The following CDH18 variants were observed in gnomAD, a reference collection of about 807,000 sequenced individuals.
CDH18 encodes cadherin-18.
Under a neutral mutation model 67.9 loss-of-function variants are expected in CDH18, and 31 were observed. The observed-to-expected ratio is 0.46, with a 90% confidence interval of 0.34 to 0.62. The LOEUF (loss-of-function observed/expected upper bound fraction) is 0.62. Among genes scored for constraint, CDH18 ranks in the 20% least tolerant of loss-of-function variants. The pLI, the probability that CDH18 is intolerant of heterozygous loss-of-function variation, is 0.01. For synonymous variants in CDH18, 362 were observed against 347.2 expected (o/e 1.04, Z -0.48); for missense variants, 890 against 975.5 (o/e 0.91, Z 1.17).
intron 7 of CDH18, among the ~76,000 whole-genome samples, chr5:19,579,897 C>T (rs1742948593): frequency 2.0e-5 from 3 of 150,258 alleles, no homozygotes; most frequent in Admixed American, 6.6e-5. Context: ...TCCTTCAATC[C>T]ACCCCCCCCA....
At chr5:20,046,301 G>T (rs1477851558) in intron 2 of CDH18, among the ~76,000 whole-genome samples, 1 of 151,920 alleles carries the variant, frequency 6.6e-6, no homozygotes, top group Non-Finnish European at 1.5e-5. Context: ...GAATGAAGTT[G>T]CCATCTCTTT....
intron 3 of CDH18, among the ~76,000 whole-genome samples, chr5:19,834,352 C>T (rs953636061): frequency 6.6e-6 from 1 of 151,902 alleles, no homozygotes; most frequent in African/African-American, 2.4e-5. Context: ...GTTTGTATTT[C>T]TGTGGGGACA....
At chr5:19,845,760 A>G (rs547860935) in intron 2 of CDH18, among the ~76,000 whole-genome samples, 4 of 151,666 alleles carry the variant, frequency 2.6e-5, no homozygotes, top group East Asian at 3.9e-4. Flanking sequence ...TAATGCCCTT[A>G]TTTGTCTCTT....
intron 7 of CDH18, among the ~76,000 whole-genome samples, chr5:19,577,981 G>A (rs543174939): frequency 6.6e-5 from 10 of 152,190 alleles, no homozygotes; most frequent in Non-Finnish European, 8.8e-5. Flanking sequence ...AGAGAGAGGA[G>A]TGATGTAGCC....
At chr5:19,624,934 T>C (rs1751288039) in intron 5 of CDH18, among the ~76,000 whole-genome samples, 1 of 152,096 alleles carries the variant, frequency 6.6e-6, no homozygotes, top group South Asian at 2.1e-4. Flanking sequence ...CAGTTATTCA[T>C]TCCTTCAATT....
chr5:20,224,555 A>G (rs1197123722), intron 2 of CDH18, among the ~76,000 whole-genome samples: 1 of 147,750 alleles, frequency 6.8e-6, no homozygotes, highest in African/African-American at 2.5e-5. Flanking sequence ...TATTTTATTT[A>G]TTACCAAATA....
chr5:20,572,851 C>A (rs1758888772), intron 1 of CDH18, among the ~76,000 whole-genome samples: 1 of 152,106 alleles, frequency 6.6e-6, no homozygotes, highest in Admixed American at 6.6e-5. Flanking sequence ...TCAACTAGAG[C>A]TCTCTCAACA....
At chr5:19,526,206 G>C (rs1033940862) in intron 9 of CDH18, among the ~76,000 whole-genome samples, 1 of 152,100 alleles carries the variant, frequency 6.6e-6, no homozygotes. Context: ...GGAAAAAGCA[G>C]AATGTACATC....
intron 2 of CDH18, among the ~76,000 whole-genome samples, chr5:19,953,973 A>T (rs557080385): frequency 6.6e-6 from 1 of 152,112 alleles, no homozygotes; most frequent in Non-Finnish European, 1.5e-5. Context: ...GACTTTCAAA[A>T]TGAAAAACTA....
intron 4 of CDH18, among the ~76,000 whole-genome samples, chr5:19,728,459 A>G (rs1306002633): frequency 1.3e-5 from 2 of 152,186 alleles, no homozygotes; most frequent in Non-Finnish European, 2.9e-5. Flanking sequence ...AATGCCTTCA[A>G]GATATCTTTT....
intron 2 of CDH18, among the ~76,000 whole-genome samples, chr5:19,868,101 A>T (rs13182760): frequency 0.49 from 74,211 of 151,994 alleles, 18,300 homozygotes; most frequent in Middle Eastern, 0.63. Flanking sequence ...TTTATACATT[A>T]CCCAGTCTCA....
intron 2 of CDH18, among the ~76,000 whole-genome samples, chr5:19,979,151 T>C (rs537546252): frequency 2.0e-5 from 3 of 152,168 alleles, no homozygotes; most frequent in Non-Finnish European, 2.9e-5. Context: ...AAGCTGATTA[T>C]AGTCTCTTAA....
At chr5:19,918,160 C>A (rs1288382631) in intron 2 of CDH18, among the ~76,000 whole-genome samples, 1 of 152,164 alleles carries the variant, frequency 6.6e-6, no homozygotes, top group Admixed American at 6.5e-5. Context: ...TCGTGTGCCA[C>A]AAATATACTC....
intron 5 of CDH18, among the ~76,000 whole-genome samples, chr5:19,641,561 A>G (rs1311516331): frequency 6.6e-6 from 1 of 152,070 alleles, no homozygotes; most frequent in Non-Finnish European, 1.5e-5. Flanking sequence ...CAAATTAACA[A>G]AATGAAAAAG....
At chr5:19,639,166 C>A (rs1267088994) in intron 5 of CDH18, among the ~76,000 whole-genome samples, 1 of 151,840 alleles carries the variant, frequency 6.6e-6, no homozygotes, top group Non-Finnish European at 1.5e-5. Flanking sequence ...CCATGCCTGG[C>A]TAATTTTTTG....
chr5:19,819,481 A>G (rs116492957), intron 3 of CDH18, among the ~76,000 whole-genome samples: 2,656 of 152,278 alleles, frequency 0.017, 38 homozygotes, highest in African/African-American at 0.04. Flanking sequence ...GAATAGGGAC[A>G]AAGCTAGGAA....
chr5:19,947,585 CAAAAAAAAAAAAAAAAAA>C (rs35601486), intron 2 of CDH18, among the ~76,000 whole-genome samples: 9 of 53,312 alleles, frequency 1.7e-4, no homozygotes, highest in African/African-American at 2.2e-4. Context: ...TACTAAAATA[CAAAAAAAAAAAAAAAAAA>C]AAAAAAAAAA....
At chr5:19,535,543 G>C (rs1387801075) in intron 9 of CDH18, among the ~76,000 whole-genome samples, 1 of 152,086 alleles carries the variant, frequency 6.6e-6, no homozygotes, top group Non-Finnish European at 1.5e-5. Context: ...GGGCAACAAG[G>C]AATACACTCA....
intron 2 of CDH18, among the ~76,000 whole-genome samples, chr5:20,119,511 A>G (rs932786016): frequency 1.3e-5 from 2 of 152,234 alleles, no homozygotes; most frequent in African/African-American, 4.8e-5. Flanking sequence ...TCAAGGCTCC[A>G]GATAAATTAA....
Sources: allele counts gnomAD v4.1 joint callset (sites outside exome capture counted in the v4.1 genomes callset), GRCh38; gene constraint gnomAD v4.1.1; transcripts MANE v1.5; gene names NCBI Gene and HGNC (gene_info 2026-07-23, HGNC 2026-07-21).